IPO11: variants seen among roughly 807,000 people sequenced by gnomAD.
IPO11 encodes importin-11.
In IPO11, 66 loss-of-function variants were observed where a neutral mutation model predicts 143.2. The ratio of observed to expected loss-of-function variants is 0.46; its 90% CI spans 0.38 to 0.57. IPO11 has a LOEUF of 0.57. Ranked by LOEUF, IPO11 falls within the 20% of genes least tolerant of loss-of-function variation. The probability of loss-of-function intolerance (pLI) is 0.00; values close to 1 mark genes in which losing one functional copy is unlikely to be tolerated. For synonymous variants in IPO11, 385 were observed against 377.8 expected, an observed-to-expected ratio of 1.02 and a Z score of -0.22; for missense variants, 1,026 against 1,141.0, an observed-to-expected ratio of 0.90 and a Z score of 1.45.
intron 2 of IPO11, among the ~76,000 whole-genome samples, chr5:62,438,166 C>T (rs959036618): frequency 1.3e-5 from 2 of 152,104 alleles, no homozygotes; most frequent in Non-Finnish European, 2.9e-5. Flanking sequence ...TTTATTATAT[C>T]TTGCAAAATA....
At chr5:62,434,836 C>A (rs1281581698) in intron 1 of IPO11, among the ~76,000 whole-genome samples, 2 of 151,416 alleles carry the variant, frequency 1.3e-5, no homozygotes, top group African/African-American at 4.9e-5. Flanking sequence ...ACCATCCTGG[C>A]CAATATGGTG....
At chr5:62,437,880 A>G (rs978023651) in intron 2 of IPO11, among the ~76,000 whole-genome samples, 1 of 152,274 alleles carries the variant, frequency 6.6e-6, no homozygotes, top group African/African-American at 2.4e-5. Context: ...TTTCTTGGAT[A>G]TAATGGGAAA....
At chr5:62,422,943 A>G (rs1743571233) in intron 1 of IPO11, among the ~76,000 whole-genome samples, 1 of 152,184 alleles carries the variant, frequency 6.6e-6, no homozygotes, top group South Asian at 2.1e-4. Context: ...TGTTCAGTAT[A>G]TATTTATTGA....
At chr5:62,594,683 A>G (rs1008781228) in intron 28 of IPO11, among the ~76,000 whole-genome samples, 1 of 152,200 alleles carries the variant, frequency 6.6e-6, no homozygotes, top group Non-Finnish European at 1.5e-5. Context: ...CCATCACACT[A>G]AGAAAGCCTT....
At position 62,435,144 on chromosome 5, in the gene IPO11, GTATA is replaced by G. The variant is rs761497192; in HGVS notation, c.-6-2126_-6-2123del. Reference sequence around the variant, plus strand: ...TATATATGTATATATATGTATATATGTATATATGTATATATATGTATATATATGT... The same window carrying G: ...TATATATGTATATATATGTATATATGTATGTATATATATGTATATATATGT... On this transcript the variant is annotated intron_variant, in intron 1 of 29. Coordinates refer to ENST00000325324, the MANE Select transcript of IPO11 (RefSeq NM_016338.5). Among the ~76,000 whole-genome samples, 33 of 64,988 alleles carry G rather than the reference GTATA, an allele frequency of 5.1e-4. 1 individual carries two copies. The highest frequency in any genetic ancestry group is 1.7e-3 in the African/African-American group (30 of 17,214). 42.6% of individuals were successfully genotyped at this position (64,988 alleles called of 152,430 possible).
intron 3 of IPO11, among the ~76,000 whole-genome samples, chr5:62,447,591 CTTT>C (rs543600533): frequency 1.4e-5 from 2 of 143,334 alleles, no homozygotes; most frequent in African/African-American, 2.5e-5. Context: ...TTTTTTTATT[CTTT>C]TTTTTTTTTG....
At chr5:62,476,633 C>T in intron 8 of IPO11, 50 bp from the exon 9 acceptor site, 2 of 1,465,128 alleles carry the variant, frequency 1.4e-6, no homozygotes, top group South Asian at 2.7e-5. Context: ...TTGATGTTGT[C>T]TTGGTTGTGA....
chr5:62,527,882 A>G (rs1482182763), intron 21 of IPO11, among the ~76,000 whole-genome samples: 1 of 152,222 alleles, frequency 6.6e-6, no homozygotes, highest in Non-Finnish European at 1.5e-5. Flanking sequence ...ATAGGTGCCA[A>G]TCCCAGTTAT....
intron 8 of IPO11, 45 bp from the exon 9 acceptor site, chr5:62,476,638 T>C: frequency 2.0e-6 from 3 of 1,482,152 alleles, no homozygotes; most frequent in Non-Finnish European, 2.7e-6. Flanking sequence ...GTTGTCTTGG[T>C]TGTGAACTTA....
In IPO11 at chr5:62,414,978, T is replaced by A. The variant is rs568623584; in HGVS notation, c.-7+2049T>A. 2.6e-5 allele frequency among the ~76,000 whole-genome samples: 4 copies of A among 152,312 alleles called. No individual in the cohort carries two copies. The East Asian group carries it at 7.7e-4, about 29-fold the overall frequency. ...ATTTATAACCCAGATTCCAACTCATTCCAGTGCTTTTCTTTTGCTGGTTAC... is the reference window on the plus strand; with the variant it reads ...ATTTATAACCCAGATTCCAACTCATACCAGTGCTTTTCTTTTGCTGGTTAC... On this transcript the variant is annotated intron_variant, in intron 1 of 29. Transcript: ENST00000325324.
intron 27 of IPO11, among the ~76,000 whole-genome samples, chr5:62,587,413 G>A (rs1278119120): frequency 1.3e-5 from 2 of 152,018 alleles, no homozygotes; most frequent in Non-Finnish European, 2.9e-5. Context: ...GTGTAGAAAG[G>A]ATGTATGTTT....
intron 19 of IPO11, among the ~76,000 whole-genome samples, chr5:62,509,443 T>G (rs1157778278): frequency 1.3e-5 from 2 of 152,162 alleles, no homozygotes; most frequent in African/African-American, 4.8e-5. Context: ...TATATATGAG[T>G]TAACTCATAA....
At chr5:62,526,648 C>T (rs978099861) in intron 21 of IPO11, 6 of 173,546 alleles carry the variant, frequency 3.5e-5, no homozygotes, top group South Asian at 1.5e-4. Flanking sequence ...AATGCTAATG[C>T]GACTTACAGT....
chr5:62,430,191 A>G (rs1410119128), intron 1 of IPO11, among the ~76,000 whole-genome samples: 1 of 152,190 alleles, frequency 6.6e-6, no homozygotes, highest in Non-Finnish European at 1.5e-5. Flanking sequence ...TCTTGACTGT[A>G]TGTCCAAAGG....
rs755954417 is a variant in IPO11 at position 62,537,336 on chromosome 5, T to C, written c.2250+47T>C. 10 of 1,225,230 alleles carry C rather than the reference T, an allele frequency of 8.2e-6. No individual in the cohort carries two copies. In the South Asian group the frequency reaches 1.3e-4, roughly 15 times the overall value. 75.9% of individuals were successfully genotyped at this position (1,225,230 alleles called of 1,614,324 possible). A position where few individuals can be genotyped will look rare whatever the true frequency, so the allele number is the denominator to read the frequency against. ...AATATATTTATGAATTTTTCATTTA[T>C]ATTTTATGAAATTGGACTTTCATTT... On this transcript the variant is annotated intron_variant, in intron 24 of 29. Coordinates refer to ENST00000325324, the MANE Select transcript of IPO11 (RefSeq NM_016338.5).
intron 29 of IPO11, among the ~76,000 whole-genome samples, chr5:62,617,527 C>CAT (rs1355519120): frequency 6.6e-6 from 1 of 152,152 alleles, no homozygotes; most frequent in Non-Finnish European, 1.5e-5. Flanking sequence ...ATTAATGTGC[C>CAT]ATAGCACACC....
At chr5:62,547,862 A>G (rs912550138) in intron 24 of IPO11, among the ~76,000 whole-genome samples, 11 of 152,124 alleles carry the variant, frequency 7.2e-5, no homozygotes, top group African/African-American at 2.4e-4. Context: ...CCAGAATTTT[A>G]TATGACATAG....
intron 19 of IPO11, among the ~76,000 whole-genome samples, chr5:62,513,444 C>T (rs1183516849): frequency 1.4e-4 from 16 of 116,736 alleles, no homozygotes; most frequent in Admixed American, 1.0e-3. Context: ...CCGGACGGAG[C>T]GGCTGGCTGG....
intron 20 of IPO11, among the ~76,000 whole-genome samples, chr5:62,525,630 C>T (rs1434396481): frequency 6.6e-6 from 1 of 152,204 alleles, no homozygotes; most frequent in South Asian, 2.1e-4. Context: ...GCAGTCCTCC[C>T]GCCTTGGCCT....
Sources: gnomAD v4.1 joint callset for allele counts (sites outside exome capture counted in the v4.1 genomes callset) on GRCh38, gnomAD v4.1.1 for gene constraint, MANE v1.5 for transcripts, NCBI Gene and HGNC (gene_info 2026-07-23, HGNC 2026-07-21) for gene names.